The following HDAC8 variants were observed in gnomAD, a reference collection of about 807,000 sequenced individuals.
The protein encoded by HDAC8 is histone deacetylase 8, also known as histone deacetylase-like 1.
A neutral mutation model predicts 32.2 loss-of-function variants in HDAC8; 1 was observed. The observed-to-expected ratio is 0.03, with a 90% confidence interval of 0.01 to 0.15. HDAC8 has a LOEUF of 0.15. HDAC8 is among the 10% of genes least tolerant of loss of function. The probability of loss-of-function intolerance (pLI) is 1.00; values close to 1 mark genes in which losing one functional copy is unlikely to be tolerated. For missense variants in HDAC8, 117 were observed against 300.0 expected (o/e 0.39, Z 4.51); for synonymous variants, 108 against 113.9 (o/e 0.95, Z 0.33).
intron 9 of HDAC8, among the ~76,000 whole-genome samples, chrX:72,455,896 G>A (rs2047704984): frequency 8.9e-6 from 1 of 112,260 alleles, no homozygotes; most frequent in African/African-American, 3.2e-5. Flanking sequence ...TAATGTAATA[G>A]TACATAAAAA....
intron 7 of HDAC8, among the ~76,000 whole-genome samples, chrX:72,481,573 C>T (rs528269316): frequency 1.2e-4 from 13 of 109,930 alleles, no homozygotes; most frequent in African/African-American, 3.3e-4. Flanking sequence ...TACACTTTTT[C>T]GGCTCTCTTT....
chrX:72,527,347 T>G (rs144241977), intron 4 of HDAC8, among the ~76,000 whole-genome samples: 2 of 112,186 alleles, frequency 1.8e-5, no homozygotes, highest in Non-Finnish European at 3.8e-5. Context: ...AGGCCTGGTC[T>G]GAACTCGGCA....
Position 72,485,584 on chromosome X carries a change from C to T in HDAC8, c.737+3349G>A, listed in dbSNP as rs189417651. On this transcript the variant is annotated intron_variant, in intron 7 of 10. Coordinates refer to ENST00000373573, the MANE Select transcript of HDAC8 (RefSeq NM_018486.3). ...GGAAAGAAAGGGAGGAAGGGAAGAA[C>T]AAAGGAAGAAAAGGAAGGAAAAGGA... Among the ~76,000 whole-genome samples the T allele has an allele frequency of 2.2e-4, 20 of 88,890 alleles. No homozygotes were observed. The East Asian group carries it at 2.3e-3, about 10-fold the overall frequency. The allele number at this position is 88,890 out of a possible 115,157, so 77.2% of individuals were successfully genotyped here.
At chrX:72,487,592 T>A (rs1556006630) in intron 7 of HDAC8, among the ~76,000 whole-genome samples, 1 of 110,262 alleles carries the variant, frequency 9.1e-6, no homozygotes, top group African/African-American at 3.3e-5. Context: ...TTTAGGGTGA[T>A]CCATCTAGGG....
At chrX:72,520,480 C>T (rs1450637941) in intron 4 of HDAC8, among the ~76,000 whole-genome samples, 1 of 112,000 alleles carries the variant, frequency 8.9e-6, no homozygotes, top group African/African-American at 3.2e-5. Context: ...CCTAGATTCA[C>T]CAATTGTCAT....
intron 9 of HDAC8, among the ~76,000 whole-genome samples, chrX:72,442,097 T>A (rs377557802): frequency 1.6e-3 from 177 of 111,102 alleles, no homozygotes; most frequent in Non-Finnish European, 2.7e-3. Flanking sequence ...TGGAACCAAG[T>A]TGGAAAACAC....
intron 9 of HDAC8, among the ~76,000 whole-genome samples, chrX:72,439,860 C>T (rs953349213): frequency 9.0e-6 from 1 of 111,224 alleles, no homozygotes; most frequent in African/African-American, 3.3e-5. Flanking sequence ...TTTAGACTCC[C>T]ACACAATAAA....
At chrX:72,440,747 A>G (rs1465877842) in intron 9 of HDAC8, among the ~76,000 whole-genome samples, 1 of 112,054 alleles carries the variant, frequency 8.9e-6, no homozygotes, top group Non-Finnish European at 1.9e-5. Context: ...TCACTTGGGA[A>G]GCACAAGGGG....
chrX:72,468,140 T>G (rs1360814566), intron 7 of HDAC8: 1 of 727,792 alleles, frequency 1.4e-6, no homozygotes, highest in Non-Finnish European at 1.9e-6. Flanking sequence ...ACTTTTAAAT[T>G]CAAGACTGGA....
At chrX:72,553,906 T>C (rs1487565586) in intron 4 of HDAC8, among the ~76,000 whole-genome samples, 1 of 112,454 alleles carries the variant, frequency 8.9e-6, no homozygotes, top group Non-Finnish European at 1.9e-5. Context: ...AATATTTCAA[T>C]TCCTCTATTT....
At position 72,404,075 on chromosome X, in the gene HDAC8, T is replaced by G. The variant is rs782634791; in HGVS notation, c.1006-52237A>C. 2.7e-5 allele frequency among the ~76,000 whole-genome samples: 3 copies of G among 111,518 alleles called. No individual in the cohort carries two copies. The South Asian group carries it at 1.1e-3, about 42-fold the overall frequency. ...AATATGTTTTTAAAATTTCCAAAAG[T>G]GTATTTTAAAGAAAAAGCTATATAT... On this transcript the variant is annotated intron_variant, in intron 9 of 10. Coordinates refer to ENST00000373573, the MANE Select transcript of HDAC8 (RefSeq NM_018486.3).
At chrX:72,482,943 G>A (rs2048554746) in intron 7 of HDAC8, among the ~76,000 whole-genome samples, 1 of 111,863 alleles carries the variant, frequency 8.9e-6, no homozygotes, top group Non-Finnish European at 1.9e-5. Context: ...CAATGTAAAT[G>A]TTTAGTGTAA....
In HDAC8 at chrX:72,368,001, A is replaced by C. The variant is rs190740982; in HGVS notation, c.1006-16163T>G. Among the ~76,000 whole-genome samples, 70 of 113,557 alleles carry C rather than the reference A, an allele frequency of 6.2e-4. 2 individuals are homozygous for C. In the South Asian group the frequency reaches 0.012, roughly 19 times the overall value. On this transcript the variant is annotated intron_variant, in intron 9 of 10. Coordinates refer to ENST00000373573, the MANE Select transcript of HDAC8 (RefSeq NM_018486.3). ...ATATTTCAGCATAAGCTTTTGAGCT[A>C]AATTCAGAGCTACTGCAAAAAGGCC...
chrX:72,545,874 A>G (rs994401151), intron 4 of HDAC8, among the ~76,000 whole-genome samples: 1 of 111,800 alleles, frequency 8.9e-6, no homozygotes, highest in African/African-American at 3.3e-5. Flanking sequence ...TGTTGAGGCA[A>G]TGTTGCTGAT....
chrX:72,481,935 T>C (rs1427852081), intron 7 of HDAC8, among the ~76,000 whole-genome samples: 3 of 111,158 alleles, frequency 2.7e-5, no homozygotes, highest in African/African-American at 9.8e-5. Context: ...AATTGAATGA[T>C]AACCTGGAGT....
At chrX:72,386,562 T>C (rs1355558740) in intron 9 of HDAC8, among the ~76,000 whole-genome samples, 1 of 112,021 alleles carries the variant, frequency 8.9e-6, no homozygotes, top group Admixed American at 9.5e-5. Context: ...AAAAATAGTA[T>C]CAGCTAATGT....
chrX:72,407,238 A>C lies in HDAC8; in HGVS notation c.1005+54766T>G, dbSNP rs7066730. Reference sequence around the variant, plus strand: ...CTCATAATGAGACAGCCAGGTGAGAAGGGGTCCTAGAGAAACTCCAGCTGG... The same window carrying C: ...CTCATAATGAGACAGCCAGGTGAGACGGGGTCCTAGAGAAACTCCAGCTGG... On this transcript the variant is annotated intron_variant, in intron 9 of 10. Coordinates refer to ENST00000373573, the MANE Select transcript of HDAC8 (RefSeq NM_018486.3). Among the ~76,000 whole-genome samples, 962 of 112,576 alleles carry C rather than the reference A, an allele frequency of 8.5e-3. 15 individuals carry two copies. The highest frequency in any genetic ancestry group is 0.029 in the African/African-American group (911 of 31,046).
intron 7 of HDAC8, among the ~76,000 whole-genome samples, chrX:72,487,525 G>T (rs1227391174): frequency 9.1e-6 from 1 of 110,070 alleles, no homozygotes; most frequent in Non-Finnish European, 1.9e-5. Context: ...CTTCAATAGG[G>T]GCACATGTAA....
rs1043532056 is a variant in HDAC8 at position 72,461,544 on chromosome X, G to A, written c.1005+460C>T. ...AGCAATGGTCTTTGTAGTGCTTGTGGGTTTCTTGAATTTTACATTAGTCAA... is the reference window on the plus strand; with the variant it reads ...AGCAATGGTCTTTGTAGTGCTTGTGAGTTTCTTGAATTTTACATTAGTCAA... On this transcript the variant is annotated intron_variant, in intron 9 of 10. Coordinates refer to ENST00000373573, the MANE Select transcript of HDAC8 (RefSeq NM_018486.3). Among the ~76,000 whole-genome samples, 3 of 111,444 alleles carry A rather than the reference G, an allele frequency of 2.7e-5. No individual in the cohort carries two copies. The Admixed American group carries it at 2.9e-4, about 11-fold the overall frequency.
Sources: allele counts gnomAD v4.1 joint callset (sites outside exome capture counted in the v4.1 genomes callset), GRCh38; gene constraint gnomAD v4.1.1; transcripts MANE v1.5; gene names NCBI Gene and HGNC (gene_info 2026-07-23, HGNC 2026-07-21).